Variants in KDM4A observed in about 807,000 individuals in gnomAD.
The protein encoded by KDM4A is lysine demethylase 4A.
In KDM4A, 23 loss-of-function variants were observed where a neutral mutation model predicts 127.1. The ratio of observed to expected loss-of-function variants is 0.18; its 90% CI spans 0.13 to 0.26. The LOEUF is 0.26. Among genes scored for constraint, KDM4A ranks in the 10% least tolerant of loss-of-function variants. The pLI is 1.00. For missense variants in KDM4A, 890 were observed against 1,329.1 expected (o/e 0.67, Z 5.14); for synonymous variants, 443 against 466.5 (o/e 0.95, Z 0.65).
chr1:43,665,683 CAT>C lies in KDM4A; in HGVS notation c.624-12_624-11del. 1 of 1,613,844 alleles carries C rather than the reference CAT, an allele frequency of 6.2e-7. No individual in the cohort carries two copies. On this transcript the variant is annotated splice_polypyrimidine_tract_variant and intron_variant, in intron 5 of 21. Transcript: ENST00000372396. ...CCCTCCACCCAGCCTCTGATGCTCT[CAT>C]GTGATTGCAGGTACTCTGTTCCACC...
intron 18 of KDM4A, among the ~76,000 whole-genome samples, chr1:43,696,596 T>C (rs1661245773): frequency 6.6e-6 from 1 of 152,214 alleles, no homozygotes; most frequent in Admixed American, 6.5e-5. Context: ...TCAAGGGCCC[T>C]GCCCTAGCCA....
intron 10 of KDM4A, among the ~76,000 whole-genome samples, chr1:43,669,817 T>TG (rs1390025567): frequency 6.6e-6 from 1 of 151,726 alleles, no homozygotes; most frequent in African/African-American, 2.4e-5. Flanking sequence ...CCTGGCTAAT[T>TG]TTTTTTTGTA....
intron 11 of KDM4A, among the ~76,000 whole-genome samples, chr1:43,680,122 A>G (rs1660825408): frequency 6.6e-6 from 1 of 152,184 alleles, no homozygotes; most frequent in Admixed American, 6.5e-5. Flanking sequence ...CCATGGTAGC[A>G]GGAGGAGTAC....
At chr1:43,654,432 C>G (rs1660187618) in intron 2 of KDM4A, among the ~76,000 whole-genome samples, 1 of 151,984 alleles carries the variant, frequency 6.6e-6, no homozygotes. Context: ...CATATACATT[C>G]CTGTGTTGGT....
At chr1:43,667,344 G>C (rs750016485) in intron 8 of KDM4A, among the ~76,000 whole-genome samples, 8 of 152,186 alleles carry the variant, frequency 5.3e-5, no homozygotes, top group Non-Finnish European at 1.2e-4. Context: ...TAATACTCTT[G>C]TTTATCCATT....
At position 43,671,539 on chromosome 1, in the gene KDM4A, G is replaced by A; in HGVS notation, c.1398G>A (p.Glu466=). The A allele has an allele frequency of 6.3e-7, 1 of 1,585,826 alleles. No individual in the cohort carries two copies. ...YSDSTEVKFE[E]LKNVKLEEED... ...ACTCCACTGAAGTCAAATTTGAAGA[G>A]CTTAAAAATGTCAAACTAGAAGAGG... Residue 466 remains glutamate, a synonymous_variant, in exon 11 of 22, where the codon GAG becomes GAA. Transcript: ENST00000372396.
At position 43,668,023 on chromosome 1, in the gene KDM4A, A is replaced by C; in HGVS notation, c.1163+4A>C. 6.2e-7 allele frequency: 1 copy of C among 1,613,716 alleles called. No individual in the cohort carries two copies. Among genetic ancestry groups the C allele is most frequent in the Middle Eastern group, 1.7e-4 (1 of 5,896 alleles). On this transcript the variant is annotated splice_donor_region_variant and intron_variant, in intron 9 of 21. Transcript: ENST00000372396. ...AGGAAGGAGACCTGAAGACAAGGTA[A>C]CCCAGCAGCCCTTTTGTCCTGGCTG...
rs984407289 is a variant in KDM4A, at chr1:43,688,033, A to C, written c.1856-881A>C. ...TGGTTGTCACTGTTTTTTTTTTTTA[A>C]GCCCCAATGCTGAAAATGTAAAAAC... On this transcript the variant is annotated intron_variant, in intron 12 of 21. Transcript: ENST00000372396. The surrounding 1 kb of genome is among the most constrained non-coding windows in gnomAD (Gnocchi z 4.4). 7.9e-5 allele frequency among the ~76,000 whole-genome samples: 12 copies of C among 151,100 alleles called. No homozygotes were observed. Among genetic ancestry groups the C allele is most frequent in the African/African-American group, 2.4e-4 (10 of 41,106 alleles).
intron 12 of KDM4A, among the ~76,000 whole-genome samples, chr1:43,686,867 G>T (rs1218792739): frequency 6.6e-6 from 1 of 152,176 alleles, no homozygotes; most frequent in Non-Finnish European, 1.5e-5. Flanking sequence ...ACAGCTCAAT[G>T]AAATTTTACA....
chr1:43,702,967 G>A (rs1156674235), intron 19 of KDM4A, among the ~76,000 whole-genome samples: 1 of 151,808 alleles, frequency 6.6e-6, no homozygotes, highest in Non-Finnish European at 1.5e-5. Context: ...GGAGGCTGAG[G>A]TTGCAATGAG....
chr1:43,655,513 G>A, intron 2 of KDM4A, 78 bp from the exon 3 acceptor site: 1 of 1,279,144 alleles, frequency 7.8e-7, no homozygotes. Context: ...TAGGTTGGCT[G>A]GTAACTACAT....
intron 5 of KDM4A, among the ~76,000 whole-genome samples, chr1:43,664,817 A>G (rs992320783): frequency 6.6e-6 from 1 of 152,168 alleles, no homozygotes; most frequent in African/African-American, 2.4e-5. Flanking sequence ...AAGGTTTTCC[A>G]GTTATTATAT....
chr1:43,685,963 C>G (rs528605954), intron 12 of KDM4A, among the ~76,000 whole-genome samples: 2 of 152,144 alleles, frequency 1.3e-5, no homozygotes, highest in South Asian at 4.1e-4. Flanking sequence ...ATATAGACTT[C>G]AGGAAACTGG....
chr1:43,703,394 ATTTT>A (rs570960378), intron 19 of KDM4A: 95 of 321,118 alleles, frequency 3.0e-4, no homozygotes, highest in East Asian at 7.0e-4. Context: ...TTATAGCTGG[ATTTT>A]TTTTTTTTTT....
intron 1 of KDM4A, among the ~76,000 whole-genome samples, chr1:43,651,735 G>A (rs564604135): frequency 1.3e-5 from 2 of 152,292 alleles, no homozygotes; most frequent in East Asian, 1.9e-4. Context: ...TCATTGATAT[G>A]CTTTGTCTTT....
Position 43,671,410 on chromosome 1 carries a change from C to T in KDM4A, c.1364-95C>T, listed in dbSNP as rs780593501. On this transcript the variant is annotated intron_variant, in intron 10 of 21. Coordinates refer to ENST00000372396, the MANE Select transcript of KDM4A (RefSeq NM_014663.3). ...CAGGATTGGAAGCCAGGTCCCATTC[C>T]CCGCCCATGTTCCTTGTGCTTTGCC... 3.0e-5 allele frequency: 40 copies of T among 1,355,502 alleles called. No homozygotes were observed. In the Admixed American group the frequency reaches 6.8e-4, roughly 23 times the overall value. 84.0% of individuals were successfully genotyped at this position (1,355,502 alleles called of 1,614,324 possible).
intron 1 of KDM4A, among the ~76,000 whole-genome samples, chr1:43,652,448 G>A (rs1055425423): frequency 6.6e-6 from 1 of 151,740 alleles, no homozygotes; most frequent in Non-Finnish European, 1.5e-5. Context: ...GATACATCAG[G>A]TTCTTTTTAA....
At chr1:43,665,890 T>A in intron 6 of KDM4A, 145 bp downstream of exon 6, 1 of 759,140 alleles carries the variant, frequency 1.3e-6, no homozygotes, top group Non-Finnish European at 2.3e-6. Flanking sequence ...CTGGTTACCT[T>A]AAGAGGGCAG....
chr1:43,668,099 T>A, intron 9 of KDM4A, 80 bp downstream of exon 9: 1 of 1,535,538 alleles, frequency 6.5e-7, no homozygotes, highest in Non-Finnish European at 8.8e-7. Flanking sequence ...AGAGGCTGTT[T>A]CTTGTTTTTT....
Sources: allele counts gnomAD v4.1 joint callset (sites outside exome capture counted in the v4.1 genomes callset), GRCh38; gene constraint gnomAD v4.1.1; non-coding constraint Gnocchi (gnomAD v3.1); transcripts MANE v1.5; gene names NCBI Gene and HGNC (gene_info 2026-07-23, HGNC 2026-07-21).